Variants in SLC12A8 observed in about 807,000 individuals in gnomAD.
The protein encoded by SLC12A8 is solute carrier family 12 member 8.
SLC12A8 carries 69 observed loss-of-function variants against 75.6 expected under a neutral mutation model. The observed-to-expected ratio is 0.91, with a 90% CI of 0.75 to 1.11. The LOEUF is 1.11. Ranked by LOEUF, SLC12A8 falls within the 50% of genes most tolerant of loss-of-function variation. The pLI, the probability that SLC12A8 is intolerant of heterozygous loss-of-function variation, is 0.00. For missense variants in SLC12A8, 877 were observed against 896.7 expected, an observed-to-expected ratio of 0.98 and a Z score of 0.28; for synonymous variants, 365 against 372.8, an observed-to-expected ratio of 0.98 and a Z score of 0.24.
chr3:125,164,287 C>T (rs1289299395), intron 5 of SLC12A8, among the ~76,000 whole-genome samples: 1 of 152,230 alleles, frequency 6.6e-6, no homozygotes. Context: ...GGCTGAGCCA[C>T]GGACTATGCA....
chr3:125,178,174 A>T (rs1056487087), intron 4 of SLC12A8, among the ~76,000 whole-genome samples, 200 bp from the exon 5 acceptor site: 1 of 152,116 alleles, frequency 6.6e-6, no homozygotes, highest in Admixed American at 6.5e-5. Context: ...ACTTGTCTAC[A>T]TCTCAACTAA....
At chr3:125,123,495 T>C (rs1933113951) in intron 6 of SLC12A8, 1 of 152,030 alleles carries the variant, frequency 6.6e-6, no homozygotes, top group South Asian at 2.1e-4. Flanking sequence ...ACATCCCAGC[T>C]ACTCAGGAGG....
chr3:125,122,276 TTGAC>T (rs1433584951), intron 6 of SLC12A8, among the ~76,000 whole-genome samples: 5 of 152,226 alleles, frequency 3.3e-5, no homozygotes, highest in Non-Finnish European at 5.9e-5. Context: ...TCATTTTTAT[TTGAC>T]TGTTTATATT....
At chr3:125,176,927 C>T (rs1297178320) in intron 5 of SLC12A8, among the ~76,000 whole-genome samples, 4 of 151,924 alleles carry the variant, frequency 2.6e-5, no homozygotes, top group South Asian at 2.1e-4. Flanking sequence ...CGATTCCTCA[C>T]GGATCTAGAA....
chr3:125,138,963 C>T (rs1388099136), intron 5 of SLC12A8, among the ~76,000 whole-genome samples: 1 of 152,090 alleles, frequency 6.6e-6, no homozygotes, highest in Non-Finnish European at 1.5e-5. Flanking sequence ...GTCAAGGCTG[C>T]AGTCAGCTGT....
chr3:125,087,759 A>G (rs750114093), intron 13 of SLC12A8, among the ~76,000 whole-genome samples: 1 of 152,136 alleles, frequency 6.6e-6, no homozygotes, highest in Non-Finnish European at 1.5e-5. Context: ...TACCCTCTCT[A>G]TGAGGCTTCT....
At chr3:125,185,794 C>T (rs1009770919) in intron 4 of SLC12A8, among the ~76,000 whole-genome samples, 6 of 152,196 alleles carry the variant, frequency 3.9e-5, no homozygotes, top group Middle Eastern at 3.2e-3. Context: ...TCCTGGCCCG[C>T]GCCAGCGACA....
intron 11 of SLC12A8, 24 bp downstream of exon 11, chr3:125,092,077 T>G (rs1669146681): frequency 4.2e-5 from 65 of 1,537,792 alleles, no homozygotes; most frequent in Non-Finnish European, 5.5e-5. Context: ...CAAGAACAAC[T>G]GAGATCAAGA....
chr3:125,110,337 T>A lies in SLC12A8; in HGVS notation c.913-2A>T. ...GAACAGGAAGCCCATGAGGGATACC[T>A]GTGTGAGAAGCGGTTTCATTCGCCA... On this transcript the variant is annotated splice_acceptor_variant, in intron 8 of 13. Transcript: ENST00000469902. LOFTEE classifies it high-confidence loss of function. The A allele has an allele frequency of 6.2e-7, 1 of 1,610,382 alleles. No homozygotes were observed.
rs553672961 is a variant in SLC12A8, at chr3:125,153,684, G to T, written c.623-17902C>A. Among the ~76,000 whole-genome samples, 10 of 152,094 alleles carry T rather than the reference G, an allele frequency of 6.6e-5. No individual in the cohort carries two copies. In the South Asian group the frequency reaches 8.3e-4, roughly 13 times the overall value. On this transcript the variant is annotated intron_variant, in intron 5 of 13. Coordinates refer to ENST00000469902, the MANE Select transcript of SLC12A8 (RefSeq NM_024628.6). ...GATGGAGTCTCACTGTCTCATCCAGGCTGGAGTGCAGTGGTGTGACCTTGG... is the reference window on the plus strand; with the variant it reads ...GATGGAGTCTCACTGTCTCATCCAGTCTGGAGTGCAGTGGTGTGACCTTGG...
chr3:125,174,874 T>C (rs894625794), intron 5 of SLC12A8, among the ~76,000 whole-genome samples: 1 of 152,232 alleles, frequency 6.6e-6, no homozygotes, highest in Non-Finnish European at 1.5e-5. Flanking sequence ...ATCTGTATGA[T>C]GCTGTAATGC....
chr3:125,184,264 C>G (rs1397507684), intron 4 of SLC12A8, among the ~76,000 whole-genome samples: 2 of 152,196 alleles, frequency 1.3e-5, no homozygotes, highest in Non-Finnish European at 2.9e-5. Context: ...AGCAACCACG[C>G]CCGACCTGCA....
intron 2 of SLC12A8, among the ~76,000 whole-genome samples, chr3:125,210,995 A>C (rs981275034): frequency 7.4e-6 from 1 of 134,914 alleles, no homozygotes; most frequent in Non-Finnish European, 1.5e-5. Context: ...AAATGAGTTC[A>C]TATTATCTGA....
At chr3:125,178,563 G>A (rs997156175) in intron 4 of SLC12A8, among the ~76,000 whole-genome samples, 9 of 152,054 alleles carry the variant, frequency 5.9e-5, no homozygotes, top group African/African-American at 2.2e-4. Flanking sequence ...TGCATTATAT[G>A]CCCCAGATTT....
At chr3:125,110,652 C>T (rs1357449552) in intron 8 of SLC12A8, 1 of 212,322 alleles carries the variant, frequency 4.7e-6, no homozygotes, top group Non-Finnish European at 9.4e-6. Context: ...GGGGTGGGGC[C>T]TAGAAATCTG....
chr3:125,176,778 C>T (rs1198981581), intron 5 of SLC12A8, among the ~76,000 whole-genome samples: 1 of 145,172 alleles, frequency 6.9e-6, no homozygotes, highest in African/African-American at 2.5e-5. Flanking sequence ...CAATGAGATA[C>T]CATCTCACAC....
intron 2 of SLC12A8, among the ~76,000 whole-genome samples, chr3:125,202,567 C>T (rs965317631): frequency 2.6e-5 from 4 of 151,562 alleles, no homozygotes; most frequent in African/African-American, 9.7e-5. Flanking sequence ...TACCTTAAGG[C>T]AGTAAGAAGG....
chr3:125,119,724 G>A (rs1932999069), intron 7 of SLC12A8: 2 of 384,064 alleles, frequency 5.2e-6, no homozygotes, highest in Non-Finnish European at 1.1e-5. Context: ...TGGTTTCACT[G>A]CAGTAAGCTA....
intron 2 of SLC12A8, among the ~76,000 whole-genome samples, chr3:125,203,088 C>CAA (rs758212012): frequency 0.017 from 1,502 of 88,206 alleles, 58 homozygotes; most frequent in African/African-American, 0.048. Flanking sequence ...GACTTCATCT[C>CAA]AAAAAAAAAA....
Sources: allele counts gnomAD v4.1 joint callset (sites outside exome capture counted in the v4.1 genomes callset), GRCh38; gene constraint gnomAD v4.1.1; transcripts MANE v1.5; gene names NCBI Gene and HGNC (gene_info 2026-07-23, HGNC 2026-07-21).